MALRD1: variants seen among roughly 807,000 people sequenced by gnomAD.
MALRD1 encodes the protein MAM and LDL receptor class A domain containing 1.
Under a neutral mutation model 242.1 loss-of-function variants are expected in MALRD1, and 247 were observed. The ratio of observed to expected loss-of-function variants is 1.02; its 90% CI spans 0.92 to 1.13. The LOEUF (loss-of-function observed/expected upper bound fraction) is 1.13. Among genes scored for constraint, MALRD1 ranks in the 50% most tolerant of loss-of-function variants. MALRD1 has a pLI of 0.00. For synonymous variants in MALRD1, 995 were observed against 866.6 expected, an observed-to-expected ratio of 1.15 and a Z score of -2.60; for missense variants, 2,989 against 2,533.1, an observed-to-expected ratio of 1.18 and a Z score of -3.86.
chr10:19,343,756 G>C (rs538545460), intron 24 of MALRD1, among the ~76,000 whole-genome samples: 1 of 152,054 alleles, frequency 6.6e-6, no homozygotes, highest in East Asian at 1.9e-4. Flanking sequence ...TTTCCAGAGC[G>C]ATTGCATCGT....
Position 19,676,238 on chromosome 10 carries a change from A to G in MALRD1, c.6138-16044A>G, listed in dbSNP as rs1842134625. On this transcript the variant is annotated intron_variant, in intron 36 of 39. Transcript: ENST00000454679. ...TTCTAAAAGCTGTGGGAAAGTAGTA[A>G]AGGTTTTGAGTCAGGCAACTTATAC... Among the ~76,000 whole-genome samples, 4 of 152,294 alleles carry G rather than the reference A, an allele frequency of 2.6e-5. No individual in the cohort carries two copies. In the South Asian group the frequency reaches 8.3e-4, roughly 32 times the overall value.
At chr10:19,519,213 T>C (rs561893563) in intron 31 of MALRD1, among the ~76,000 whole-genome samples, 61 of 152,268 alleles carry the variant, frequency 4.0e-4, no homozygotes, top group African/African-American at 1.3e-3. Flanking sequence ...ATAGTCAAGT[T>C]TTGCATAATA....
At chr10:19,265,262 G>T (rs1839924624) in intron 19 of MALRD1, among the ~76,000 whole-genome samples, 1 of 151,362 alleles carries the variant, frequency 6.6e-6, no homozygotes, top group Non-Finnish European at 1.5e-5. Context: ...CTATTAATTT[G>T]GAGCTTAGTT....
chr10:19,315,185 TAAATATAATTTATAG>T lies in MALRD1; in HGVS notation c.3420-8749_3420-8735del, dbSNP rs1417904140. Among the ~76,000 whole-genome samples, 341 of 127,866 alleles carry T rather than the reference TAAATATAATTTATAG, an allele frequency of 2.7e-3. 1 individual carries two copies. The highest frequency in any genetic ancestry group is 5.6e-3 in the Middle Eastern group (1 of 178). The allele number at this position is 127,866 out of a possible 152,430, so 83.9% of individuals were successfully genotyped here. ...TGTAAATATAATTTATATAAATATA[TAAATATAATTTATAG>T]AAATATAATTTATATAAATATATAA... On this transcript the variant is annotated intron_variant, in intron 21 of 39. Transcript: ENST00000454679.
At chr10:19,300,184 C>A (rs1259224538) in intron 21 of MALRD1, among the ~76,000 whole-genome samples, 3 of 151,764 alleles carry the variant, frequency 2.0e-5, no homozygotes, top group African/African-American at 7.3e-5. Flanking sequence ...ATCTTTATAA[C>A]AAGAATTACG....
At chr10:19,454,405 G>GATATATATGTATATATAT (rs1835510026) in intron 29 of MALRD1, among the ~76,000 whole-genome samples, 1 of 80,558 alleles carries the variant, frequency 1.2e-5, no homozygotes, top group Non-Finnish European at 2.4e-5. Flanking sequence ...TTATGCATAT[G>GATATATATGTATATATAT]ATATATATAT....
At chr10:19,113,291 C>G (rs919802792) in intron 5 of MALRD1, among the ~76,000 whole-genome samples, 15 of 152,082 alleles carry the variant, frequency 9.9e-5, no homozygotes, top group Non-Finnish European at 1.8e-4. Context: ...TTCAGTAGTC[C>G]AATGTCCTCC....
At chr10:19,506,712 C>T (rs1833161868) in intron 31 of MALRD1, among the ~76,000 whole-genome samples, 1 of 151,388 alleles carries the variant, frequency 6.6e-6, no homozygotes, top group Non-Finnish European at 1.5e-5. Context: ...TGTAATATGC[C>T]AGTAATAAAA....
intron 19 of MALRD1, among the ~76,000 whole-genome samples, chr10:19,275,063 T>G (rs970088432): frequency 1.5e-4 from 23 of 152,266 alleles, no homozygotes; most frequent in African/African-American, 5.1e-4. Context: ...GTCTGAGCTT[T>G]ATAGAAAGGT....
chr10:19,183,417 A>G (rs1424278529), intron 14 of MALRD1, among the ~76,000 whole-genome samples: 1 of 152,114 alleles, frequency 6.6e-6, no homozygotes, highest in Admixed American at 6.6e-5. Context: ...GCTTGAAAAA[A>G]CAGGGGTTTC....
At chr10:19,294,362 T>C (rs1322257715) in intron 21 of MALRD1, among the ~76,000 whole-genome samples, 1 of 152,176 alleles carries the variant, frequency 6.6e-6, no homozygotes, top group Non-Finnish European at 1.5e-5. Context: ...CAAATGAATA[T>C]GCCATATGAA....
intron 34 of MALRD1, among the ~76,000 whole-genome samples, chr10:19,601,973 C>A (rs1838362751): frequency 6.6e-6 from 1 of 151,708 alleles, no homozygotes; most frequent in South Asian, 2.1e-4. Context: ...TATATATACA[C>A]AAATATATAT....
At chr10:19,128,793 T>C (rs765082492) in intron 8 of MALRD1, among the ~76,000 whole-genome samples, 1 of 152,152 alleles carries the variant, frequency 6.6e-6, no homozygotes, top group African/African-American at 2.4e-5. Flanking sequence ...GTAGACATAA[T>C]TTTTAAGACT....
Position 19,456,581 on chromosome 10 carries a change from C to T in MALRD1, c.5029+6091C>T, listed in dbSNP as rs539952510. On this transcript the variant is annotated intron_variant, in intron 29 of 39. Transcript: ENST00000454679. ...GTTTAACTTCAGAACTTACCTTCTTCACTTAGTTTACATGAAAAGCTGTAT... is the reference window on the plus strand; with the variant it reads ...GTTTAACTTCAGAACTTACCTTCTTTACTTAGTTTACATGAAAAGCTGTAT... Among the ~76,000 whole-genome samples the T allele has an allele frequency of 6.6e-5, 10 of 152,238 alleles. No homozygotes were observed. In the East Asian group the frequency reaches 1.9e-3, roughly 29 times the overall value.
chr10:19,141,735 A>C (rs893453200), intron 10 of MALRD1, among the ~76,000 whole-genome samples: 2 of 152,128 alleles, frequency 1.3e-5, no homozygotes, highest in Non-Finnish European at 2.9e-5. Context: ...TAGGACTTTA[A>C]AAACAATTTT....
chr10:19,676,160 G>A (rs949130837), intron 36 of MALRD1, among the ~76,000 whole-genome samples: 5 of 152,168 alleles, frequency 3.3e-5, no homozygotes, highest in African/African-American at 9.7e-5. Context: ...CTGTGCCAGC[G>A]AGAAGCCAGA....
intron 21 of MALRD1, among the ~76,000 whole-genome samples, chr10:19,305,759 G>GTA (rs1280179011): frequency 4.9e-5 from 7 of 142,580 alleles, no homozygotes; most frequent in South Asian, 4.3e-4. Context: ...AGAGAGTATA[G>GTA]TATATATATA....
Position 19,734,300 on chromosome 10 carries a change from C to T in MALRD1, c.*63C>T. 1 of 1,260,580 alleles carries T rather than the reference C, an allele frequency of 7.9e-7. No homozygotes were observed. Among genetic ancestry groups the T allele is most frequent in the Admixed American group, 2.1e-5 (1 of 47,214 alleles). The allele number at this position is 1,260,580 out of a possible 1,614,324, so 78.1% of individuals were successfully genotyped here. ...TCTAGAAAATTGAAGTCTCCACAAT[C>T]TGATAGAAACTCATCTTCTACAATG... On this transcript the variant is annotated 3_prime_UTR_variant, in exon 40 of 40. Coordinates refer to ENST00000454679, the MANE Select transcript of MALRD1 (RefSeq NM_001142308.3).
chr10:19,196,421 A>G (rs1836251165), intron 14 of MALRD1, among the ~76,000 whole-genome samples: 2 of 152,142 alleles, frequency 1.3e-5, no homozygotes, highest in Non-Finnish European at 2.9e-5. Flanking sequence ...CCAAGCTACC[A>G]GTGACCTAGA....
Sources: gnomAD v4.1 joint callset for allele counts (sites outside exome capture counted in the v4.1 genomes callset) on GRCh38, gnomAD v4.1.1 for gene constraint, MANE v1.5 for transcripts, NCBI Gene and HGNC (gene_info 2026-07-23, HGNC 2026-07-21) for gene names.